The following DNAH7 variants were observed in gnomAD, a reference collection of about 807,000 sequenced individuals.
DNAH7 encodes the protein axonemal beta dynein heavy chain 7.
Under a neutral mutation model 444.6 loss-of-function variants are expected in DNAH7, and 397 were observed. The ratio of observed to expected loss-of-function variants is 0.89; its 90% CI spans 0.82 to 0.97. The LOEUF (loss-of-function observed/expected upper bound fraction) is 0.97. Among genes scored for constraint, DNAH7 ranks in the 50% least tolerant of loss-of-function variants. The pLI, the probability that DNAH7 is intolerant of heterozygous loss-of-function variation, is 0.00. For synonymous variants in DNAH7, 1,636 were observed against 1,624.4 expected, an observed-to-expected ratio of 1.01 and a Z score of -0.17; for missense variants, 4,902 against 4,800.8, an observed-to-expected ratio of 1.02 and a Z score of -0.62.
At chr2:195,949,648 G>C (rs1487216639) in intron 19 of DNAH7, among the ~76,000 whole-genome samples, 1 of 152,148 alleles carries the variant, frequency 6.6e-6, no homozygotes. Flanking sequence ...TGTTGAATAG[G>C]AGTGGTGAGA....
intron 55 of DNAH7, among the ~76,000 whole-genome samples, chr2:195,797,938 C>G (rs1267672531): frequency 6.6e-6 from 1 of 152,174 alleles, no homozygotes; most frequent in Non-Finnish European, 1.5e-5. Context: ...ATAATAAGTA[C>G]TATGCTAAGC....
intron 2 of DNAH7, among the ~76,000 whole-genome samples, chr2:196,055,139 A>G (rs1697726175): frequency 6.6e-6 from 1 of 152,082 alleles, no homozygotes; most frequent in African/African-American, 2.4e-5. Context: ...GAGGATCACT[A>G]GAGCCCAGGA....
At chr2:196,060,894 A>G (rs180730921) in intron 1 of DNAH7, among the ~76,000 whole-genome samples, 1 of 152,228 alleles carries the variant, frequency 6.6e-6, no homozygotes, top group African/African-American at 2.4e-5. Context: ...TATATATTTT[A>G]TACTCTTCCT....
At chr2:195,946,979 CTGAG>C (rs1456675888) in intron 19 of DNAH7, among the ~76,000 whole-genome samples, 1 of 151,878 alleles carries the variant, frequency 6.6e-6, no homozygotes, top group Non-Finnish European at 1.5e-5. Flanking sequence ...GGGAGCCTCT[CTGAG>C]TGAGAAAGGT....
intron 10 of DNAH7, among the ~76,000 whole-genome samples, chr2:196,009,198 A>G (rs1190829903): frequency 2.6e-5 from 4 of 152,180 alleles, no homozygotes; most frequent in South Asian, 2.1e-4. Flanking sequence ...TTACGTTTCA[A>G]TATGAGATTT....
chr2:195,806,681 T>C (rs1219352273), intron 54 of DNAH7, 59 bp downstream of exon 54: 2 of 1,437,534 alleles, frequency 1.4e-6, no homozygotes, highest in Non-Finnish European at 1.9e-6. Flanking sequence ...CACATTTGGA[T>C]GGACTGAGCA....
At chr2:196,012,669 A>G (rs1694790180) in intron 10 of DNAH7, 118 bp downstream of exon 10, 10 of 1,023,600 alleles carry the variant, frequency 9.8e-6, no homozygotes, top group Non-Finnish European at 1.4e-5. Flanking sequence ...TTATATTTAA[A>G]TCATGTAGAA....
chr2:195,956,887 T>C (rs1227752474), intron 19 of DNAH7, among the ~76,000 whole-genome samples: 1 of 152,162 alleles, frequency 6.6e-6, no homozygotes, highest in Non-Finnish European at 1.5e-5. Context: ...GTTGGCATAC[T>C]GACATGTGTG....
intron 47 of DNAH7, among the ~76,000 whole-genome samples, chr2:195,842,292 A>G (rs1424511504): frequency 6.6e-6 from 1 of 152,054 alleles, no homozygotes; most frequent in Non-Finnish European, 1.5e-5. Flanking sequence ...CCAAAAGTTA[A>G]TTATATTCTA....
In DNAH7 at chr2:195,988,091, C is replaced by G. The variant is rs1693046581; in HGVS notation, c.1492G>C (p.Asp498His). Residue 498 changes from aspartate (D) to histidine (H), a missense_variant, in exon 13 of 65, where the codon GAC (aspartate) becomes CAC (histidine). Transcript: ENST00000312428. ...TCAGCTTTTCTGGTAATTAAAAAGT[C>G]ATACTTGTCATAGAGTCTGAGGTGC... is the stretch of plus-strand genomic sequence containing the variant. ...TEHLRLYDKY[D>H]FLITRKAERD... The G allele has an allele frequency of 6.2e-7, 1 of 1,613,568 alleles. No individual in the cohort carries two copies.
chr2:195,745,326 A>G (rs1371797380), intron 63 of DNAH7, among the ~76,000 whole-genome samples: 3 of 152,178 alleles, frequency 2.0e-5, no homozygotes, highest in East Asian at 1.9e-4. Flanking sequence ...AAAGAAATGA[A>G]CAAAGCCTCC....
chr2:195,762,947 C>T (rs1029735886), intron 61 of DNAH7, among the ~76,000 whole-genome samples: 4 of 151,852 alleles, frequency 2.6e-5, no homozygotes, highest in African/African-American at 7.2e-5. Flanking sequence ...GCACGTGGAT[C>T]GTTCACATGT....
intron 49 of DNAH7, among the ~76,000 whole-genome samples, chr2:195,819,668 T>C (rs1468055344): frequency 1.3e-5 from 2 of 152,086 alleles, no homozygotes; most frequent in African/African-American, 4.8e-5. Flanking sequence ...CAGCTTGCAA[T>C]GCTACAGGAG....
chr2:195,785,523 G>C lies in DNAH7; in HGVS notation c.10878+1487C>G, dbSNP rs540771636. On this transcript the variant is annotated intron_variant, in intron 58 of 64. Transcript: ENST00000312428. ...CTCCATTTAAGTACAATTAGCTGTAGGTTTTTTGTATGTTTGTTTAATCAA... is the reference window on the plus strand; with the variant it reads ...CTCCATTTAAGTACAATTAGCTGTACGTTTTTTGTATGTTTGTTTAATCAA... 1.0e-4 allele frequency among the ~76,000 whole-genome samples: 15 copies of C among 148,824 alleles called. No homozygotes were observed. The South Asian group carries it at 3.2e-3, about 32-fold the overall frequency.
intron 17 of DNAH7, among the ~76,000 whole-genome samples, chr2:195,964,587 C>T (rs1691338670): frequency 7.1e-6 from 1 of 141,810 alleles, no homozygotes; most frequent in Admixed American, 7.3e-5. Flanking sequence ...ATCATATTGG[C>T]CGGGCACGGT....
chr2:196,009,692 T>G (rs2125713781), intron 10 of DNAH7, among the ~76,000 whole-genome samples: 1 of 152,242 alleles, frequency 6.6e-6, no homozygotes, highest in African/African-American at 2.4e-5. Flanking sequence ...AAGCTTTGCA[T>G]AGCAAAGGAA....
intron 19 of DNAH7, among the ~76,000 whole-genome samples, chr2:195,956,122 A>C (rs774859191): frequency 2.6e-5 from 4 of 152,204 alleles, no homozygotes; most frequent in Non-Finnish European, 5.9e-5. Context: ...ACGTCAATAC[A>C]GTATTATCAA....
chr2:195,963,761 T>C (rs993166458), intron 17 of DNAH7, among the ~76,000 whole-genome samples: 4 of 152,258 alleles, frequency 2.6e-5, no homozygotes, highest in Admixed American at 2.0e-4. Context: ...TTTAAGTCTT[T>C]AATCCATTTT....
At chr2:195,887,686 A>G (rs1701783991) in intron 33 of DNAH7, among the ~76,000 whole-genome samples, 2 of 152,330 alleles carry the variant, frequency 1.3e-5, no homozygotes, top group East Asian at 1.9e-4. Flanking sequence ...TTTGGTCAGC[A>G]TCTCCCAAAG....
Sources: gnomAD v4.1 joint callset for allele counts (sites outside exome capture counted in the v4.1 genomes callset) on GRCh38, gnomAD v4.1.1 for gene constraint, MANE v1.5 for transcripts, NCBI Gene and HGNC (gene_info 2026-07-23, HGNC 2026-07-21) for gene names.